The following AGK variants were observed in gnomAD, a reference collection of about 807,000 sequenced individuals.
The protein encoded by AGK is acylglycerol kinase.
AGK carries 52 observed loss-of-function variants against 66.4 expected under a neutral mutation model. The observed-to-expected ratio is 0.78, with a 90% CI of 0.63 to 0.99. The LOEUF (loss-of-function observed/expected upper bound fraction) is 0.99. Among genes scored for constraint, AGK ranks in the 50% least tolerant of loss-of-function variants. AGK has a pLI of 0.00. For synonymous variants in AGK, 182 were observed against 181.1 expected, an observed-to-expected ratio of 1.00 and a Z score of -0.04; for missense variants, 451 against 506.6, an observed-to-expected ratio of 0.89 and a Z score of 1.05.
At chr7:141,575,307 GC>G (rs1233120979) in intron 2 of AGK, among the ~76,000 whole-genome samples, 2 of 152,138 alleles carry the variant, frequency 1.3e-5, no homozygotes, top group African/African-American at 4.8e-5. Context: ...GTCCAAGTGG[GC>G]AAATCACCAG....
chr7:141,644,630 T>A (rs1005981692), intron 13 of AGK, among the ~76,000 whole-genome samples: 1 of 152,166 alleles, frequency 6.6e-6, no homozygotes, highest in African/African-American at 2.4e-5. Context: ...TTTGGTACAT[T>A]TATTAAAAGT....
chr7:141,604,682 C>T (rs1459685682), intron 5 of AGK, among the ~76,000 whole-genome samples: 2 of 148,814 alleles, frequency 1.3e-5, no homozygotes, highest in Non-Finnish European at 3.0e-5. Flanking sequence ...CTCCCGGGTT[C>T]AAGCGATTCT....
chr7:141,632,374 G>GA (rs1316794056), intron 9 of AGK, among the ~76,000 whole-genome samples: 6 of 152,076 alleles, frequency 3.9e-5, no homozygotes, highest in Non-Finnish European at 7.4e-5. Context: ...AATGATTAGA[G>GA]AAAAATCTTT....
chr7:141,633,917 C>T lies in AGK; in HGVS notation c.605C>T (p.Pro202Leu). 2 of 1,613,866 alleles carry T rather than the reference C, an allele frequency of 1.2e-6. No individual in the cohort carries two copies. Among genetic ancestry groups the T allele is most frequent in the Non-Finnish European group, 8.5e-7 (1 of 1,179,830 alleles). ...AACTTCCAGGGTGAAAAGGAACAGC[C>T]TGTATTTGCAATGACCGGCCTTCGA... ...VLQIKGEKEQ[P>L]VFAMTGLRWG... is the part of the protein sequence containing the mutation. The change falls in exon 10 of 16, where the codon CCT becomes CTT. Residue 202 changes from proline to leucine, a missense_variant. Transcript: ENST00000649286.
chr7:141,581,812 TGGGCA>T (rs1213715369), intron 2 of AGK, among the ~76,000 whole-genome samples: 2 of 151,782 alleles, frequency 1.3e-5, no homozygotes, highest in Non-Finnish European at 2.9e-5. Context: ...ATAAGGGAGC[TGGGCA>T]GGTGGGGATA....
chr7:141,637,072 A>T, intron 11 of AGK, 55 bp downstream of exon 11: 1 of 1,444,048 alleles, frequency 6.9e-7, no homozygotes, highest in Non-Finnish European at 9.7e-7. Flanking sequence ...GTTTCTCTGT[A>T]ATGCATATAT....
At position 141,598,240 on chromosome 7, in the gene AGK, C is replaced by T. The variant is rs973762862; in HGVS notation, c.221+1599C>T. On this transcript the variant is annotated intron_variant, in intron 4 of 15. Coordinates refer to ENST00000649286, the MANE Select transcript of AGK (RefSeq NM_018238.4). This position sits in a 1 kb window ranked among gnomAD's most constrained non-coding sequence, Gnocchi z 4.2. Reference sequence around the variant, plus strand: ...CATATCTGCTGGGCTTTGTTAGAGCCGCTTCCCTCCCCCATAAACGCACCA... The same window carrying T: ...CATATCTGCTGGGCTTTGTTAGAGCTGCTTCCCTCCCCCATAAACGCACCA... Among the ~76,000 whole-genome samples, 2 of 152,146 alleles carry T rather than the reference C, an allele frequency of 1.3e-5. No homozygotes were observed. Among genetic ancestry groups the T allele is most frequent in the South Asian group, 2.1e-4 (1 of 4,828 alleles).
At chr7:141,584,139 G>C (rs963380422) in intron 2 of AGK, among the ~76,000 whole-genome samples, 3 of 152,100 alleles carry the variant, frequency 2.0e-5, no homozygotes, top group African/African-American at 7.2e-5. Flanking sequence ...TCCGAAAAGA[G>C]AGTCAGCGAA....
chr7:141,607,992 A>G (rs1396293011), intron 5 of AGK, among the ~76,000 whole-genome samples: 3 of 151,976 alleles, frequency 2.0e-5, no homozygotes, highest in Non-Finnish European at 2.9e-5. Context: ...TCTTTTATTC[A>G]TACACCTTTT....
chr7:141,603,813 T>C (rs1319739718), intron 5 of AGK, among the ~76,000 whole-genome samples: 3 of 152,242 alleles, frequency 2.0e-5, no homozygotes, highest in African/African-American at 7.2e-5. Flanking sequence ...TATCTTGACA[T>C]GGTAGCTCGG....
chr7:141,634,615 T>G (rs1797130933), intron 10 of AGK, among the ~76,000 whole-genome samples: 1 of 152,128 alleles, frequency 6.6e-6, no homozygotes, highest in Non-Finnish European at 1.5e-5. Context: ...TCATGTTCCA[T>G]TTGCTGTGGA....
rs1562956446 is a variant in AGK, at chr7:141,555,197, G to A, written c.-14-256G>A. ...GAAATAGTGATCAGAGAGGGAAGAA[G>A]TATAGGTTAGGTGGAAATACGTGAA... On this transcript the variant is annotated intron_variant, in intron 1 of 15. Coordinates refer to ENST00000649286, the MANE Select transcript of AGK (RefSeq NM_018238.4). The surrounding 1 kb of genome is among the most constrained non-coding windows in gnomAD (Gnocchi z 4.2). 6.6e-6 allele frequency among the ~76,000 whole-genome samples: 1 copy of A among 152,278 alleles called. No individual in the cohort carries two copies.
rs144437863 is a variant in AGK, at chr7:141,641,595, A to G, written c.877+197A>G. Among the ~76,000 whole-genome samples, 767 of 152,330 alleles carry G rather than the reference A, an allele frequency of 5.0e-3. 8 individuals are homozygous for G. The highest frequency in any genetic ancestry group is 0.018 in the African/African-American group (749 of 41,564). On this transcript the variant is annotated intron_variant, in intron 12 of 15. Transcript: ENST00000649286. ...AATGGGCATAGCAGTCTCTGTGCACAGTCTTTCTGTTAACGTGACTGCTTT... is the reference window on the plus strand; with the variant it reads ...AATGGGCATAGCAGTCTCTGTGCACGGTCTTTCTGTTAACGTGACTGCTTT...
chr7:141,570,201 C>T (rs1054703808), intron 2 of AGK, among the ~76,000 whole-genome samples: 3 of 152,120 alleles, frequency 2.0e-5, no homozygotes, highest in African/African-American at 7.2e-5. Context: ...GCCTGGCCAA[C>T]ATAAGGAAGC....
chr7:141,641,810 G>A lies in AGK; in HGVS notation c.878-1G>A, dbSNP rs760648816. 6.4e-7 allele frequency: 1 copy of A among 1,571,686 alleles called. No individual in the cohort carries two copies. The highest frequency in any genetic ancestry group is 1.2e-5 in the South Asian group (1 of 85,404). ...GACCTGTATCTAATGGATTCCCACAGCCCTTTCCCAAGAGGTGAGCCCGGA... is the reference window on the plus strand; with the variant it reads ...GACCTGTATCTAATGGATTCCCACAACCCTTTCCCAAGAGGTGAGCCCGGA... On this transcript the variant is annotated splice_acceptor_variant, in intron 12 of 15. Transcript: ENST00000649286. LOFTEE classifies it high-confidence loss of function.
chr7:141,637,289 C>G (rs776195753), intron 11 of AGK, among the ~76,000 whole-genome samples: 1 of 152,172 alleles, frequency 6.6e-6, no homozygotes, highest in Non-Finnish European at 1.5e-5. Context: ...AATTCACTCT[C>G]TTGCCCGACA....
At chr7:141,562,108 T>C (rs1479703270) in intron 2 of AGK, 2 of 455,630 alleles carry the variant, frequency 4.4e-6, no homozygotes, top group East Asian at 6.9e-5. Context: ...TGGCTATAGA[T>C]AGGTTTAGTG....
chr7:141,578,925 G>A (rs1795816494), intron 2 of AGK, among the ~76,000 whole-genome samples: 1 of 152,012 alleles, frequency 6.6e-6, no homozygotes, highest in South Asian at 2.1e-4. Context: ...GGCAGTTTGG[G>A]GATAGCACCA....
rs190522340 is a variant in AGK, at chr7:141,578,156, G to T, written c.102-14990G>T. 2.4e-3 allele frequency among the ~76,000 whole-genome samples: 364 copies of T among 152,084 alleles called. 2 individuals carry two copies. Among genetic ancestry groups the T allele is most frequent in the African/African-American group, 8.1e-3 (335 of 41,436 alleles). ...GCTTTTTAATCACCTGGGTGCAGGC[G>T]GGCTGAGTCCAAAAAGAGAGTCAGC... On this transcript the variant is annotated intron_variant, in intron 2 of 15. Coordinates refer to ENST00000649286, the MANE Select transcript of AGK (RefSeq NM_018238.4).
Sources: allele counts gnomAD v4.1 joint callset (sites outside exome capture counted in the v4.1 genomes callset), GRCh38; gene constraint gnomAD v4.1.1; non-coding constraint Gnocchi (gnomAD v3.1); transcripts MANE v1.5; gene names NCBI Gene and HGNC (gene_info 2026-07-23, HGNC 2026-07-21).